UEVLD: variants seen among roughly 807,000 people sequenced by gnomAD.
The protein encoded by UEVLD is ubiquitin-conjugating enzyme E2 variant 3.
In UEVLD, 47 loss-of-function variants were observed where a neutral mutation model predicts 58.6. The observed-to-expected ratio is 0.80, with a 90% CI of 0.63 to 1.02. UEVLD has a LOEUF of 1.02. Among genes scored for constraint, UEVLD ranks in the 50% least tolerant of loss-of-function variants. UEVLD has a pLI of 0.00. For missense variants in UEVLD, 510 were observed against 550.6 expected, an observed-to-expected ratio of 0.93 and a Z score of 0.74; for synonymous variants, 197 against 195.3, an observed-to-expected ratio of 1.01 and a Z score of -0.07.
rs533758873 is a variant in UEVLD, at chr11:18,584,781, T to C, written c.42+3832A>G. On this transcript the variant is annotated intron_variant, in intron 1 of 11. Coordinates refer to ENST00000396197, the MANE Select transcript of UEVLD (RefSeq NM_001040697.4). Reference sequence around the variant, plus strand: ...CTGAGTAGCTGGGACTACAGGCCCATTGCAGGATGCCCGGCTAATTTTTGT... The same window carrying C: ...CTGAGTAGCTGGGACTACAGGCCCACTGCAGGATGCCCGGCTAATTTTTGT... 2.9e-4 allele frequency among the ~76,000 whole-genome samples: 44 copies of C among 152,202 alleles called. No individual in the cohort carries two copies. The East Asian group carries it at 7.0e-3, about 24-fold the overall frequency.
At chr11:18,535,718 CT>C (rs56086990) in intron 10 of UEVLD, among the ~76,000 whole-genome samples, 12 of 149,794 alleles carry the variant, frequency 8.0e-5, no homozygotes, top group Non-Finnish European at 7.4e-5. Context: ...GTGTGTTACA[CT>C]TTTTTTTTTG....
rs189844410 is a variant in UEVLD at position 18,588,733 on chromosome 11, C to G, written c.-79G>C. The G allele has an allele frequency of 2.0e-3, 2,996 of 1,527,770 alleles. 17 individuals carry two copies. The highest frequency in any genetic ancestry group is 9.8e-3 in the Middle Eastern group (57 of 5,822). 94.6% of individuals were successfully genotyped at this position (1,527,770 alleles called of 1,614,324 possible). A position where few individuals can be genotyped will look rare whatever the true frequency, so the allele number is the denominator to read the frequency against. ...CGGACTTGCTGCAGGACGGAAGCCG[C>G]TGAGGACCAAACTTCCCGGCGGTCC... On this transcript the variant is annotated 5_prime_UTR_variant, in exon 1 of 12. Transcript: ENST00000396197.
At chr11:18,582,208 T>C (rs931556775) in intron 1 of UEVLD, among the ~76,000 whole-genome samples, 2 of 152,174 alleles carry the variant, frequency 1.3e-5, no homozygotes, top group African/African-American at 4.8e-5. Context: ...AAGGCTACAC[T>C]AGAATTGATT....
At chr11:18,568,807 G>A (rs1350733104) in intron 4 of UEVLD, among the ~76,000 whole-genome samples, 1 of 151,932 alleles carries the variant, frequency 6.6e-6, no homozygotes, top group East Asian at 1.9e-4. Context: ...AAAATAAAAA[G>A]TGATAATCCT....
At chr11:18,572,219 G>A (rs952867097) in intron 3 of UEVLD, among the ~76,000 whole-genome samples, 2 of 151,950 alleles carry the variant, frequency 1.3e-5, no homozygotes, top group Admixed American at 6.5e-5. Context: ...CTGGGCGACA[G>A]TGCGAGACTC....
At chr11:18,550,815 TGCTAG>T (rs2133986611) in intron 7 of UEVLD, among the ~76,000 whole-genome samples, 1 of 152,350 alleles carries the variant, frequency 6.6e-6, no homozygotes, top group South Asian at 2.1e-4. Flanking sequence ...AGTTCTTAAA[TGCTAG>T]GCTAGGTGCC....
chr11:18,530,443 C>G lies in UEVLD; in HGVS notation c.*1877G>C, dbSNP rs1850520876. 6.6e-6 allele frequency: 1 copy of G among 152,164 alleles called. No individual in the cohort carries two copies. Among genetic ancestry groups the G allele is most frequent in the South Asian group, 2.1e-4 (1 of 4,830 alleles). 9.4% of individuals were successfully genotyped at this position (152,164 alleles called of 1,614,324 possible). ...ACTAAAGTTCATCATTATAAGCATTCCTTATTACACTAAAACAGCATTAGT... is the reference window on the plus strand; with the variant it reads ...ACTAAAGTTCATCATTATAAGCATTGCTTATTACACTAAAACAGCATTAGT... On this transcript the variant is annotated 3_prime_UTR_variant, in exon 12 of 12. Transcript: ENST00000396197.
chr11:18,575,781 A>C lies in UEVLD; in HGVS notation c.128-369T>G, dbSNP rs529732274. 2.0e-5 allele frequency among the ~76,000 whole-genome samples: 3 copies of C among 152,326 alleles called. No individual in the cohort carries two copies. In the East Asian group the frequency reaches 5.8e-4, roughly 29 times the overall value. On this transcript the variant is annotated intron_variant, in intron 2 of 11. Transcript: ENST00000396197. Reference sequence around the variant, plus strand: ...CCTTACAAAGTTGTCATAAGGATCAAATGAGAAAATTTGAAAACTTAAGAA... The same window carrying C: ...CCTTACAAAGTTGTCATAAGGATCACATGAGAAAATTTGAAAACTTAAGAA...
At position 18,547,010 on chromosome 11, in the gene UEVLD, T is replaced by C. The variant is rs140654561; in HGVS notation, c.756A>G (p.Thr252=). Reference sequence around the variant, plus strand: ...ACTGAGAACTACCCAAAGAGTTGACTGTGAAGATCACCACCTTGGAATGAG... The same window carrying C: ...ACTGAGAACTACCCAAAGAGTTGACCGTGAAGATCACCACCTTGGAATGAG... The part of the protein sequence containing the change: ...ASAHSKVVIF[T]VNSLGSSQSY... Residue 252 remains threonine, a synonymous_variant, in exon 8 of 12, where the codon ACA becomes ACG. Transcript: ENST00000396197. The C allele has an allele frequency of 1.2e-5, 19 of 1,613,934 alleles. No individual in the cohort carries two copies. The African/African-American group carries it at 2.3e-4, about 19-fold the overall frequency.
Position 18,588,593 on chromosome 11 carries a change from G to T in UEVLD, c.42+20C>A. ...CGCAAGACCCTGAGGACCCAAACTG[G>T]CCCAGCGGACTGCCCGCACCTTGCC... On this transcript the variant is annotated intron_variant, in intron 1 of 11. Transcript: ENST00000396197. The T allele has an allele frequency of 6.2e-7, 1 of 1,609,130 alleles. No homozygotes were observed. Among genetic ancestry groups the T allele is most frequent in the East Asian group, 2.2e-5 (1 of 44,798 alleles).
intron 7 of UEVLD, among the ~76,000 whole-genome samples, chr11:18,557,409 C>T (rs970563286): frequency 2.0e-5 from 3 of 152,082 alleles, no homozygotes; most frequent in African/African-American, 7.2e-5. Context: ...GCGTCGGCTT[C>T]CCAAAGTGCT....
At chr11:18,556,131 T>C (rs1050284572) in intron 7 of UEVLD, among the ~76,000 whole-genome samples, 5 of 152,218 alleles carry the variant, frequency 3.3e-5, no homozygotes, top group Non-Finnish European at 7.3e-5. Flanking sequence ...GCAATACCTA[T>C]TGATGGTTGA....
At chr11:18,565,039 A>G in intron 5 of UEVLD, 29 bp from the exon 6 acceptor site, 2 of 1,509,936 alleles carry the variant, frequency 1.3e-6, no homozygotes, top group Non-Finnish European at 1.8e-6. Flanking sequence ...TATCCTGAGA[A>G]TTCAAAAATA....
intron 3 of UEVLD, among the ~76,000 whole-genome samples, chr11:18,573,857 C>T (rs1221393946): frequency 1.3e-5 from 2 of 152,142 alleles, no homozygotes; most frequent in African/African-American, 4.8e-5. Flanking sequence ...ATGCAGCTTC[C>T]TAGTGTCTTT....
intron 1 of UEVLD, among the ~76,000 whole-genome samples, chr11:18,581,338 C>T (rs963011726): frequency 6.6e-6 from 1 of 151,994 alleles, no homozygotes; most frequent in African/African-American, 2.4e-5. Flanking sequence ...AGAGAAAGGC[C>T]TCTGGAGAAG....
intron 7 of UEVLD, among the ~76,000 whole-genome samples, chr11:18,551,984 A>C (rs1851547242): frequency 6.6e-6 from 1 of 152,348 alleles, no homozygotes; most frequent in African/African-American, 2.4e-5. Flanking sequence ...AAGACCAGGT[A>C]ACTCTGTATC....
rs375780486 is a variant in UEVLD at position 18,552,754 on chromosome 11, G to A, written c.715+5474C>T. On this transcript the variant is annotated intron_variant, in intron 7 of 11. Coordinates refer to ENST00000396197, the MANE Select transcript of UEVLD (RefSeq NM_001040697.4). ...CACACAATTGTAATCCCAGCTATTC[G>A]GGAGGCTGGGGCAAGAGAATCGCTT... Among the ~76,000 whole-genome samples, 21 of 151,162 alleles carry A rather than the reference G, an allele frequency of 1.4e-4. No individual in the cohort carries two copies. In the East Asian group the frequency reaches 3.9e-3, roughly 28 times the overall value.
chr11:18,545,069 TC>T (rs1319188769), intron 8 of UEVLD, among the ~76,000 whole-genome samples: 5 of 33,758 alleles, frequency 1.5e-4, no homozygotes, highest in Non-Finnish European at 2.6e-4. Flanking sequence ...TATATCTATA[TC>T]TATATTTTTT....
intron 7 of UEVLD, among the ~76,000 whole-genome samples, chr11:18,552,503 C>T (rs1299592240): frequency 6.6e-6 from 1 of 152,018 alleles, no homozygotes; most frequent in East Asian, 1.9e-4. Flanking sequence ...GCCGAGATGG[C>T]ACCACTGCAC....
Sources: allele counts gnomAD v4.1 joint callset (sites outside exome capture counted in the v4.1 genomes callset), GRCh38; gene constraint gnomAD v4.1.1; transcripts MANE v1.5; gene names NCBI Gene and HGNC (gene_info 2026-07-23, HGNC 2026-07-21).